PITPNC1: variants seen among roughly 807,000 people sequenced by gnomAD.
PITPNC1 encodes the protein cytoplasmic phosphatidylinositol transfer protein 1.
A neutral mutation model predicts 44.7 loss-of-function variants in PITPNC1; 18 were observed. The ratio of observed to expected loss-of-function variants is 0.40; its 90% CI spans 0.28 to 0.60. PITPNC1 has a LOEUF of 0.60. PITPNC1 is among the 20% of genes least tolerant of loss of function. PITPNC1 has a pLI of 0.39. For missense variants in PITPNC1, 290 were observed against 418.4 expected, an observed-to-expected ratio of 0.69 and a Z score of 2.68; for synonymous variants, 141 against 149.6, an observed-to-expected ratio of 0.94 and a Z score of 0.42.
At chr17:67,585,729 C>T (rs983825368) in intron 5 of PITPNC1, among the ~76,000 whole-genome samples, 13 of 152,116 alleles carry the variant, frequency 8.5e-5, no homozygotes, top group Admixed American at 5.2e-4. Flanking sequence ...CACTTGAACC[C>T]AGGAAGCAGA....
chr17:67,542,983 T>G (rs1568033710), intron 2 of PITPNC1, among the ~76,000 whole-genome samples: 1 of 152,154 alleles, frequency 6.6e-6, no homozygotes, highest in Non-Finnish European at 1.5e-5. Flanking sequence ...TGGCTGGTGG[T>G]TATGTTGTCT....
chr17:67,449,161 G>A (rs753453107), intron 1 of PITPNC1, among the ~76,000 whole-genome samples: 25 of 152,146 alleles, frequency 1.6e-4, no homozygotes, highest in Non-Finnish European at 3.2e-4. Flanking sequence ...CTTGAAGATC[G>A]TCACCCAAGC....
chr17:67,388,687 C>G (rs765303200), intron 1 of PITPNC1, among the ~76,000 whole-genome samples: 1 of 152,012 alleles, frequency 6.6e-6, no homozygotes, highest in Non-Finnish European at 1.5e-5. Context: ...TGTGCATGAT[C>G]TCGACTCACT....
At chr17:67,466,024 A>G (rs1031004195) in intron 1 of PITPNC1, among the ~76,000 whole-genome samples, 12 of 151,166 alleles carry the variant, frequency 7.9e-5, no homozygotes, top group Non-Finnish European at 1.2e-4. Flanking sequence ...TTTTAGAGAC[A>G]GAGTCTCCCT....
intron 2 of PITPNC1, among the ~76,000 whole-genome samples, chr17:67,540,101 T>C (rs2040585978): frequency 7.0e-6 from 1 of 142,560 alleles, no homozygotes. Flanking sequence ...TTTTATTTTA[T>C]TTTATTTTAT....
intron 4 of PITPNC1, among the ~76,000 whole-genome samples, chr17:67,574,068 C>T (rs887762968): frequency 2.6e-4 from 40 of 152,276 alleles, no homozygotes; most frequent in African/African-American, 9.4e-4. Context: ...GAAGAGCTTA[C>T]AAATAATTTG....
chr17:67,551,795 C>G (rs1443411035), intron 2 of PITPNC1, among the ~76,000 whole-genome samples: 2 of 152,184 alleles, frequency 1.3e-5, no homozygotes, highest in South Asian at 2.1e-4. Context: ...AGTTGCTGCT[C>G]TCTGTTGGTT....
rs1008791721 is a variant in PITPNC1, at chr17:67,632,320, G to A, written c.462+82G>A. On this transcript the variant is annotated intron_variant, in intron 6 of 8. Transcript: ENST00000581322. ...TATTTCTTAAGTGCCTCCTAACTTG[G>A]GAGGATGCCATCTCTCGTCGTGTGG... 7 of 864,762 alleles carry A rather than the reference G, an allele frequency of 8.1e-6. No homozygotes were observed. The African/African-American group carries it at 1.2e-4, about 14-fold the overall frequency. The allele number at this position is 864,762 out of a possible 1,614,324, so 53.6% of individuals were successfully genotyped here.
At chr17:67,596,377 A>C (rs1275872233) in intron 5 of PITPNC1, among the ~76,000 whole-genome samples, 2 of 152,030 alleles carry the variant, frequency 1.3e-5, no homozygotes, top group Non-Finnish European at 2.9e-5. Flanking sequence ...TTTAAGATAG[A>C]AAAAAAAGTA....
intron 3 of PITPNC1, 108 bp from the exon 4 acceptor site, chr17:67,553,500 CGT>C (rs2040794839): frequency 4.2e-6 from 2 of 475,944 alleles, no homozygotes; most frequent in Non-Finnish European, 7.6e-6. Context: ...AATTATAGTT[CGT>C]CAGTATTTGT....
At chr17:67,633,758 C>T (rs190390172) in intron 6 of PITPNC1, among the ~76,000 whole-genome samples, 2 of 152,370 alleles carry the variant, frequency 1.3e-5, no homozygotes, top group East Asian at 1.9e-4. Flanking sequence ...TCTGATGATG[C>T]GCAGAGCATT....
At chr17:67,587,822 C>T (rs2041340113) in intron 5 of PITPNC1, among the ~76,000 whole-genome samples, 1 of 152,182 alleles carries the variant, frequency 6.6e-6, no homozygotes, top group Non-Finnish European at 1.5e-5. Flanking sequence ...GGGTAAATTG[C>T]ATAAACATCT....
intron 1 of PITPNC1, among the ~76,000 whole-genome samples, chr17:67,492,906 T>G (rs2039883087): frequency 6.6e-6 from 1 of 152,188 alleles, no homozygotes; most frequent in Admixed American, 6.5e-5. Flanking sequence ...TCTTCTCCTG[T>G]TGGGGGCATT....
At chr17:67,590,098 A>G (rs988592023) in intron 5 of PITPNC1, among the ~76,000 whole-genome samples, 2 of 152,152 alleles carry the variant, frequency 1.3e-5, no homozygotes, top group African/African-American at 2.4e-5. Context: ...GAGAAGCACT[A>G]CCTCTGGGAG....
chr17:67,584,035 G>A (rs1468912271), intron 5 of PITPNC1, among the ~76,000 whole-genome samples: 3 of 151,932 alleles, frequency 2.0e-5, no homozygotes, highest in South Asian at 2.1e-4. Context: ...CACCATGCCC[G>A]GCCGGCATTG....
chr17:67,415,559 T>G (rs1258316921), intron 1 of PITPNC1, among the ~76,000 whole-genome samples: 1 of 152,204 alleles, frequency 6.6e-6, no homozygotes, highest in Non-Finnish European at 1.5e-5. Context: ...GTTCCCCAAA[T>G]GTACTATGTA....
At chr17:67,473,243 C>T (rs2039572799) in intron 1 of PITPNC1, among the ~76,000 whole-genome samples, 1 of 151,980 alleles carries the variant, frequency 6.6e-6, no homozygotes, top group African/African-American at 2.4e-5. Flanking sequence ...CTATGTTGCC[C>T]ATGCTGGTCT....
At chr17:67,585,555 C>T (rs1179777542) in intron 5 of PITPNC1, among the ~76,000 whole-genome samples, 4 of 152,134 alleles carry the variant, frequency 2.6e-5, no homozygotes, top group Admixed American at 2.6e-4. Flanking sequence ...GGAATCCCAG[C>T]ACTTTGGGAG....
intron 1 of PITPNC1, among the ~76,000 whole-genome samples, chr17:67,450,137 T>C (rs1245873111): frequency 2.6e-5 from 4 of 152,264 alleles, no homozygotes; most frequent in African/African-American, 9.6e-5. Flanking sequence ...ATTTCAGGTT[T>C]GCTCTTATGA....
Sources: allele counts gnomAD v4.1 joint callset (sites outside exome capture counted in the v4.1 genomes callset), GRCh38; gene constraint gnomAD v4.1.1; transcripts MANE v1.5; gene names NCBI Gene and HGNC (gene_info 2026-07-23, HGNC 2026-07-21).